Variants in HPSE2 observed in about 807,000 individuals in gnomAD.
The protein encoded by HPSE2 is heparanase 2 (inactive), also known as inactive heparanase-2.
In HPSE2, 38 loss-of-function variants were observed where a neutral mutation model predicts 60.5. The observed-to-expected ratio is 0.63, with a 90% CI of 0.48 to 0.82. The LOEUF is 0.82. Ranked by LOEUF, HPSE2 falls within the 40% of genes least tolerant of loss-of-function variation. HPSE2 has a pLI of 0.00. For synonymous variants in HPSE2, 295 were observed against 293.2 expected (o/e 1.01, Z -0.06); for missense variants, 713 against 740.4 (o/e 0.96, Z 0.43).
At chr10:98,733,835 G>A (rs985003831) in intron 4 of HPSE2, among the ~76,000 whole-genome samples, 11 of 152,060 alleles carry the variant, frequency 7.2e-5, no homozygotes, top group African/African-American at 7.2e-5. Context: ...AGATAAACAT[G>A]TTATTCTTTT....
At chr10:99,007,401 G>A (rs1956919237) in intron 3 of HPSE2, among the ~76,000 whole-genome samples, 1 of 152,162 alleles carries the variant, frequency 6.6e-6, no homozygotes, top group African/African-American at 2.4e-5. Flanking sequence ...AGTTGAAGGA[G>A]GAGAGATGCA....
chr10:98,861,829 CA>C (rs1456879767), intron 3 of HPSE2, among the ~76,000 whole-genome samples: 1 of 152,092 alleles, frequency 6.6e-6, no homozygotes, highest in East Asian at 1.9e-4. Context: ...GGCCACATCT[CA>C]ACATTGCACC....
chr10:98,722,921 T>C (rs1038770899), intron 4 of HPSE2, among the ~76,000 whole-genome samples: 3 of 152,318 alleles, frequency 2.0e-5, no homozygotes, highest in Admixed American at 1.3e-4. Flanking sequence ...CAGGGACAAT[T>C]TGACTTCCTC....
intron 3 of HPSE2, among the ~76,000 whole-genome samples, chr10:99,088,021 T>TC (rs1048529850): frequency 6.6e-6 from 1 of 151,314 alleles, no homozygotes; most frequent in Admixed American, 6.6e-5. Context: ...TTCATCCCTC[T>TC]CCAGCCACAC....
chr10:99,056,940 T>C (rs1041822493), intron 3 of HPSE2, among the ~76,000 whole-genome samples: 1 of 152,076 alleles, frequency 6.6e-6, no homozygotes, highest in African/African-American at 2.4e-5. Context: ...TACAGCAAAG[T>C]AGATGAGTAT....
intron 3 of HPSE2, among the ~76,000 whole-genome samples, chr10:98,802,688 T>C (rs1215428466): frequency 2.0e-5 from 3 of 151,500 alleles, no homozygotes; most frequent in African/African-American, 2.4e-5. Context: ...CCATGGTGTA[T>C]ATGTGCCACA....
chr10:99,254,391 C>T, the HPSE2 span, among the ~76,000 whole-genome samples: 1 of 152,044 alleles, frequency 6.6e-6, no homozygotes, highest in African/African-American at 2.4e-5. Context: ...CTGGGGACTA[C>T]TAGAGGAGTG....
At chr10:98,768,520 T>C (rs1468511921) in intron 3 of HPSE2, among the ~76,000 whole-genome samples, 2 of 152,230 alleles carry the variant, frequency 1.3e-5, no homozygotes, top group Admixed American at 1.3e-4. Flanking sequence ...CTAAATTATT[T>C]GATGACTTGA....
intron 3 of HPSE2, among the ~76,000 whole-genome samples, chr10:98,935,130 C>T (rs1954752300): frequency 7.0e-6 from 1 of 142,210 alleles, no homozygotes; most frequent in Non-Finnish European, 1.5e-5. Flanking sequence ...TTTTCAGCTC[C>T]ATCAGGTTGC....
chr10:99,105,969 C>A (rs538068287), intron 3 of HPSE2, among the ~76,000 whole-genome samples: 2 of 152,130 alleles, frequency 1.3e-5, no homozygotes, highest in African/African-American at 4.8e-5. Flanking sequence ...TATCTGTATA[C>A]CTATCTTTAT....
At chr10:98,858,723 A>G (rs570962184) in intron 3 of HPSE2, among the ~76,000 whole-genome samples, 9 of 152,296 alleles carry the variant, frequency 5.9e-5, no homozygotes, top group Admixed American at 5.9e-4. Flanking sequence ...GTGGTTGTGG[A>G]TAAGACCAAC....
chr10:99,263,439 C>T, the HPSE2 span, among the ~76,000 whole-genome samples: 5 of 152,182 alleles, frequency 3.3e-5, no homozygotes, highest in Admixed American at 2.6e-4. Context: ...GAGGTTTCCT[C>T]GCTACGCAAG....
chr10:99,163,564 A>G (rs1846935556), intron 2 of HPSE2, among the ~76,000 whole-genome samples: 1 of 152,210 alleles, frequency 6.6e-6, no homozygotes, highest in Non-Finnish European at 1.5e-5. Flanking sequence ...ATTGCATTTT[A>G]TACAACCAAG....
intron 3 of HPSE2, among the ~76,000 whole-genome samples, chr10:98,749,834 A>C (rs962861057): frequency 6.7e-6 from 1 of 149,802 alleles, no homozygotes; most frequent in African/African-American, 2.4e-5. Flanking sequence ...GACTTACCAT[A>C]GTTTCAACTT....
chr10:98,941,138 C>A (rs1207507847), intron 3 of HPSE2, among the ~76,000 whole-genome samples: 2 of 141,972 alleles, frequency 1.4e-5, no homozygotes, highest in Non-Finnish European at 3.0e-5. Context: ...CCTGAATGGG[C>A]AAAAACTGGA....
At chr10:98,539,366 A>C (rs1943388025) in intron 9 of HPSE2, among the ~76,000 whole-genome samples, 1 of 152,138 alleles carries the variant, frequency 6.6e-6, no homozygotes, top group Admixed American at 6.5e-5. Flanking sequence ...TACTAAAAAT[A>C]CAACATTAGC....
chr10:98,754,652 T>C (rs12775639), intron 3 of HPSE2, among the ~76,000 whole-genome samples: 21,270 of 150,200 alleles, frequency 0.14, 1,881 homozygotes, highest in Admixed American at 0.23. Context: ...AGGCAAACAG[T>C]GGACCTTTCA....
chr10:99,210,833 C>T (rs1056300829), intron 2 of HPSE2, among the ~76,000 whole-genome samples: 13 of 152,078 alleles, frequency 8.5e-5, no homozygotes, highest in African/African-American at 2.9e-4. Flanking sequence ...AGTGAAAAGT[C>T]GAAAGCTCTT....
intron 3 of HPSE2, among the ~76,000 whole-genome samples, chr10:98,960,128 G>T (rs879498960): frequency 6.6e-6 from 1 of 152,056 alleles, no homozygotes; most frequent in African/African-American, 2.4e-5. Flanking sequence ...GTGGTTAAGG[G>T]ATGCCATGAA....
Sources: allele counts gnomAD v4.1 joint callset (sites outside exome capture counted in the v4.1 genomes callset), GRCh38; gene constraint gnomAD v4.1.1; transcripts MANE v1.5; gene names NCBI Gene and HGNC (gene_info 2026-07-23, HGNC 2026-07-21).